Variants in SLAIN2 observed in about 807,000 individuals in gnomAD.
SLAIN2 encodes the protein SLAIN family member 2.
In SLAIN2, 31 loss-of-function variants were observed where a neutral mutation model predicts 56.6. The ratio of observed to expected loss-of-function variants is 0.55; its 90% CI spans 0.41 to 0.74. The LOEUF (loss-of-function observed/expected upper bound fraction) is 0.74. Among genes scored for constraint, SLAIN2 ranks in the 30% least tolerant of loss-of-function variants. SLAIN2 has a pLI of 0.00. For synonymous variants in SLAIN2, 317 were observed against 284.9 expected (o/e 1.11, Z -1.13); for missense variants, 777 against 754.2 (o/e 1.03, Z -0.35).
chr4:48,379,996 G>A (rs1354243053), intron 4 of SLAIN2, 148 bp downstream of exon 4: 11 of 734,478 alleles, frequency 1.5e-5, no homozygotes, highest in African/African-American at 1.1e-4. Flanking sequence ...GTCAACATAT[G>A]TACATGTTTA....
chr4:48,363,531 C>T (rs1479418817), intron 1 of SLAIN2, among the ~76,000 whole-genome samples: 2 of 73,360 alleles, frequency 2.7e-5, no homozygotes, highest in Non-Finnish European at 6.4e-5. Context: ...GCAGAGGCGC[C>T]CCTCACCTCC....
intron 6 of SLAIN2, among the ~76,000 whole-genome samples, chr4:48,390,161 A>G (rs575336433): frequency 2.4e-4 from 34 of 140,642 alleles, no homozygotes; most frequent in Non-Finnish European, 4.6e-4. Flanking sequence ...TGCAACCTCC[A>G]CCTCCCAGGT....
chr4:48,409,326 G>A (rs752681357), intron 6 of SLAIN2, among the ~76,000 whole-genome samples: 1 of 151,782 alleles, frequency 6.6e-6, no homozygotes, highest in Non-Finnish European at 1.5e-5. Flanking sequence ...CACCTCCCCC[G>A]ACCCTGCCAT....
chr4:48,360,971 T>C (rs1381902313), intron 1 of SLAIN2, among the ~76,000 whole-genome samples: 1 of 152,226 alleles, frequency 6.6e-6, no homozygotes, highest in Admixed American at 6.5e-5. Flanking sequence ...TTTCAAATTA[T>C]AAATACCAAC....
chr4:48,341,921 C>T lies in SLAIN2; in HGVS notation c.182C>T (p.Ala61Val), dbSNP rs1381362235. 7 of 1,505,400 alleles carry T rather than the reference C, an allele frequency of 4.6e-6. No homozygotes were observed. The South Asian group carries it at 6.3e-5, about 14-fold the overall frequency. The allele number at this position is 1,505,400 out of a possible 1,614,324, so 93.3% of individuals were successfully genotyped here. The change falls in exon 1 of 8, where the codon GCG becomes GTG. Residue 61 changes from alanine to valine, a missense_variant. Coordinates refer to ENST00000264313, the MANE Select transcript of SLAIN2 (RefSeq NM_020846.2). ...GGCGCGTCCATTCCCTCCTCCGGCG[C>T]GGCGTCTCCTCGGGGCTTCCCCTTG... ...RAGASIPSSG[A>V]ASPRGFPLGL...
intron 2 of SLAIN2, among the ~76,000 whole-genome samples, chr4:48,375,331 G>A (rs543638638): frequency 2.0e-5 from 3 of 152,118 alleles, no homozygotes; most frequent in African/African-American, 7.2e-5. Context: ...TGGTGAATAT[G>A]TACAAAACTA....
At chr4:48,371,956 CA>C (rs939269693) in intron 2 of SLAIN2, among the ~76,000 whole-genome samples, 2 of 142,086 alleles carry the variant, frequency 1.4e-5, no homozygotes, top group African/African-American at 5.4e-5. Flanking sequence ...CAAAACAAAA[CA>C]AACAAAAAGT....
chr4:48,407,210 A>G (rs1716720558), intron 6 of SLAIN2, among the ~76,000 whole-genome samples: 1 of 151,486 alleles, frequency 6.6e-6, no homozygotes, highest in Non-Finnish European at 1.5e-5. Context: ...GTTTGTTTTC[A>G]TTGTCTGTTT....
chr4:48,399,710 G>A (rs954331886), intron 6 of SLAIN2, among the ~76,000 whole-genome samples: 1 of 152,170 alleles, frequency 6.6e-6, no homozygotes, highest in African/African-American at 2.4e-5. Flanking sequence ...TTTTTAACGT[G>A]AGGGGATGTT....
At chr4:48,355,219 G>T (rs143249739) in intron 1 of SLAIN2, among the ~76,000 whole-genome samples, 1 of 152,140 alleles carries the variant, frequency 6.6e-6, no homozygotes. Flanking sequence ...AAAATGCCAC[G>T]CTCTCTTATG....
At chr4:48,370,703 A>G (rs1715640107) in intron 2 of SLAIN2, among the ~76,000 whole-genome samples, 2 of 152,240 alleles carry the variant, frequency 1.3e-5, no homozygotes, top group African/African-American at 4.8e-5. Flanking sequence ...GCAGAAATGT[A>G]GGAAAAATAT....
intron 2 of SLAIN2, among the ~76,000 whole-genome samples, chr4:48,372,531 C>G (rs1715697284): frequency 6.6e-6 from 1 of 152,124 alleles, no homozygotes; most frequent in Non-Finnish European, 1.5e-5. Context: ...TGGTTTAAAA[C>G]GTCCTAAGGA....
chr4:48,344,471 GA>G lies in SLAIN2; in HGVS notation c.389+2350del, dbSNP rs34646066. Reference sequence around the variant, plus strand: ...TGAAGATGTCAATAAGTGTTATGTAGAAAAAAAGTGGGTGGGTTCTGGGATG... The same window carrying G: ...TGAAGATGTCAATAAGTGTTATGTAGAAAAAAGTGGGTGGGTTCTGGGATG... On this transcript the variant is annotated intron_variant, in intron 1 of 7. Coordinates refer to ENST00000264313, the MANE Select transcript of SLAIN2 (RefSeq NM_020846.2). Among the ~76,000 whole-genome samples the G allele has an allele frequency of 5.3e-3, 811 of 152,182 alleles. 9 individuals are homozygous for G. The highest frequency in any genetic ancestry group is 0.018 in the African/African-American group (764 of 41,550).
intron 6 of SLAIN2, among the ~76,000 whole-genome samples, chr4:48,404,172 T>G (rs567761685): frequency 6.6e-6 from 1 of 152,174 alleles, no homozygotes; most frequent in Non-Finnish European, 1.5e-5. Flanking sequence ...CTTTCCTCTT[T>G]TCATTCCTCT....
intron 2 of SLAIN2, among the ~76,000 whole-genome samples, chr4:48,375,994 T>G (rs1560456487): frequency 6.6e-6 from 1 of 152,260 alleles, no homozygotes; most frequent in Non-Finnish European, 1.5e-5. Flanking sequence ...TGCACCTTTA[T>G]GATAGTACTC....
At chr4:48,405,369 ATG>A (rs1405423386) in intron 6 of SLAIN2, among the ~76,000 whole-genome samples, 3 of 152,054 alleles carry the variant, frequency 2.0e-5, no homozygotes, top group East Asian at 3.8e-4. Flanking sequence ...CCTTTTTGAT[ATG>A]TCTTTTTAAG....
intron 5 of SLAIN2, among the ~76,000 whole-genome samples, chr4:48,383,168 CAAAAA>C (rs34436951): frequency 8.4e-5 from 8 of 95,544 alleles, no homozygotes; most frequent in Admixed American, 1.1e-4. Flanking sequence ...ATCCTGTTTT[CAAAAA>C]AAAAAAAAAA....
chr4:48,407,037 CTTTG>C (rs1716717246), intron 6 of SLAIN2, among the ~76,000 whole-genome samples: 1 of 152,114 alleles, frequency 6.6e-6, no homozygotes, highest in Admixed American at 6.5e-5. Context: ...GAGTAGCAAA[CTTTG>C]TTTTTCAGAA....
chr4:48,371,772 C>T (rs1265908187), intron 2 of SLAIN2, among the ~76,000 whole-genome samples: 1 of 151,756 alleles, frequency 6.6e-6, no homozygotes, highest in South Asian at 2.1e-4. Flanking sequence ...TGAGACCCCA[C>T]CTCTACAAAA....
Sources: gnomAD v4.1 joint callset for allele counts (sites outside exome capture counted in the v4.1 genomes callset) on GRCh38, gnomAD v4.1.1 for gene constraint, MANE v1.5 for transcripts, NCBI Gene and HGNC (gene_info 2026-07-23, HGNC 2026-07-21) for gene names.